BAZ2B: variants seen among roughly 807,000 people sequenced by gnomAD.
BAZ2B encodes bromodomain adjacent to zinc finger domain 2B, also known as bromodomain adjacent to zinc finger domain protein 2B.
Under a neutral mutation model 246.0 loss-of-function variants are expected in BAZ2B, and 91 were observed. That is an observed-to-expected ratio of 0.37 (90% CI 0.31 to 0.44). The LOEUF is 0.44. Ranked by LOEUF, BAZ2B falls within the 20% of genes least tolerant of loss-of-function variation. The pLI, the probability that BAZ2B is intolerant of heterozygous loss-of-function variation, is 1.00. For missense variants in BAZ2B, 2,332 were observed against 2,533.7 expected (o/e 0.92, Z 1.71); for synonymous variants, 855 against 860.0 (o/e 0.99, Z 0.10).
intron 27 of BAZ2B, among the ~76,000 whole-genome samples, chr2:159,372,373 C>A (rs2060943296): frequency 6.6e-6 from 1 of 152,180 alleles, no homozygotes; most frequent in Non-Finnish European, 1.5e-5. Context: ...TAACATAACA[C>A]TTTTGTCCCC....
intron 2 of BAZ2B, among the ~76,000 whole-genome samples, chr2:159,495,484 CAAAAAAAA>C (rs56365046): frequency 1.4e-5 from 1 of 73,214 alleles, no homozygotes; most frequent in African/African-American, 6.6e-5. Context: ...GACTCCGTCT[CAAAAAAAA>C]AAAAAAAAAA....
intron 3 of BAZ2B, chr2:159,460,947 G>T (rs909331453): frequency 7.9e-5 from 12 of 152,256 alleles, no homozygotes; most frequent in Non-Finnish European, 1.0e-4. Flanking sequence ...AACAAAACAG[G>T]TATATTTCTA....
At chr2:159,596,585 G>GT in intron 1 of BAZ2B, among the ~76,000 whole-genome samples, 1 of 151,982 alleles carries the variant, frequency 6.6e-6, no homozygotes, top group East Asian at 1.9e-4. Context: ...GTGAGGTTTG[G>GT]TTACAAGAGT....
At chr2:159,582,588 T>C (rs1687095975) in intron 1 of BAZ2B, among the ~76,000 whole-genome samples, 1 of 152,200 alleles carries the variant, frequency 6.6e-6, no homozygotes, top group Admixed American at 6.5e-5. Context: ...TCCCACTATG[T>C]TGCCCAGGCT....
intron 27 of BAZ2B, among the ~76,000 whole-genome samples, chr2:159,370,997 G>A (rs1323471271): frequency 1.3e-5 from 2 of 151,992 alleles, no homozygotes; most frequent in Non-Finnish European, 2.9e-5. Context: ...TAGTAGAGAT[G>A]CGGTTTCTCC....
intron 1 of BAZ2B, among the ~76,000 whole-genome samples, chr2:159,598,138 C>T (rs564812407): frequency 9.2e-5 from 14 of 152,106 alleles, no homozygotes; most frequent in African/African-American, 3.4e-4. Context: ...GTACTATAGG[C>T]GCCTGCCACC....
intron 33 of BAZ2B, among the ~76,000 whole-genome samples, chr2:159,333,388 G>A (rs1271515121): frequency 1.3e-5 from 2 of 151,940 alleles, no homozygotes; most frequent in Non-Finnish European, 2.9e-5. Flanking sequence ...AAAACTAGTT[G>A]TTTTCTACTG....
At chr2:159,437,936 A>T (rs1449511264) in intron 8 of BAZ2B, 2 of 167,240 alleles carry the variant, frequency 1.2e-5, no homozygotes, top group South Asian at 1.5e-4. Flanking sequence ...AAATAAAAAA[A>T]AATTGGTATT....
At chr2:159,325,046 TATATATATATATA>T (rs2063314732) in intron 35 of BAZ2B, 92 bp from the exon 36 acceptor site, 2 of 6,354 alleles carry the variant, frequency 3.1e-4, no homozygotes, top group Non-Finnish European at 9.5e-4. Context: ...ATATATATTA[TATATATATATATA>T]TTATATATAT....
intron 20 of BAZ2B, 150 bp from the exon 21 acceptor site, chr2:159,389,635 T>C (rs1449752614): frequency 1.4e-6 from 1 of 705,812 alleles, no homozygotes; most frequent in South Asian, 3.2e-5. Context: ...ATATATTTAA[T>C]ATCAATATTA....
intron 1 of BAZ2B, among the ~76,000 whole-genome samples, chr2:159,591,439 C>T (rs1455389509): frequency 2.0e-5 from 3 of 151,958 alleles, no homozygotes; most frequent in Non-Finnish European, 4.4e-5. Context: ...TCTATGGCAA[C>T]AAAGGTAGGA....
At chr2:159,646,851 T>C in the BAZ2B span, among the ~76,000 whole-genome samples, 14 of 152,138 alleles carry the variant, frequency 9.2e-5, no homozygotes, top group African/African-American at 3.1e-4. Context: ...TTGCCACCTG[T>C]TCCTCTTTTA....
chr2:159,375,415 G>GA (rs2061319351), intron 25 of BAZ2B, among the ~76,000 whole-genome samples: 1 of 152,212 alleles, frequency 6.6e-6, no homozygotes, highest in Non-Finnish European at 1.5e-5. Context: ...ATCCAGCAGA[G>GA]AAAAGAGTCT....
chr2:159,355,535 C>T (rs1467293941), intron 27 of BAZ2B, among the ~76,000 whole-genome samples: 11 of 152,182 alleles, frequency 7.2e-5, no homozygotes, highest in Non-Finnish European at 1.2e-4. Context: ...TACTTGCACA[C>T]TTAATGCTTT....
At chr2:159,543,853 ACACT>A (rs1357379479) in intron 2 of BAZ2B, among the ~76,000 whole-genome samples, 2 of 152,166 alleles carry the variant, frequency 1.3e-5, no homozygotes, top group African/African-American at 4.8e-5. Flanking sequence ...TTCATATCAA[ACACT>A]CAGTCGATGT....
chr2:159,447,483 G>C (rs1387648075), intron 5 of BAZ2B, among the ~76,000 whole-genome samples: 3 of 152,104 alleles, frequency 2.0e-5, no homozygotes, highest in African/African-American at 7.2e-5. Flanking sequence ...CTAAAATGTT[G>C]TTATAATTTT....
chr2:159,437,120 T>C lies in BAZ2B; in HGVS notation c.1293+1183A>G, dbSNP rs115165814. Among the ~76,000 whole-genome samples, 616 of 152,328 alleles carry C rather than the reference T, an allele frequency of 4.0e-3. 4 individuals carry two copies. Among genetic ancestry groups the C allele is most frequent in the African/African-American group, 0.014 (591 of 41,574 alleles). ...AATTAAAACAATGGCTGGCAAACAG[T>C]AGATGCCCTACAAGTGATATCTAAT... On this transcript the variant is annotated intron_variant, in intron 8 of 36. Transcript: ENST00000392783.
the BAZ2B span, among the ~76,000 whole-genome samples, chr2:159,682,829 C>A: frequency 6.6e-6 from 1 of 152,084 alleles, no homozygotes; most frequent in African/African-American, 2.4e-5. Context: ...ACACTGCATT[C>A]TCTTGCAATT....
rs111666633 is a variant in BAZ2B at position 159,534,630 on chromosome 2, C to CTT, written c.-3+21191_-3+21192dup. Among the ~76,000 whole-genome samples the CTT allele has an allele frequency of 3.3e-3, 481 of 144,584 alleles. 4 individuals are homozygous for CTT. Among genetic ancestry groups the CTT allele is most frequent in the African/African-American group, 0.011 (439 of 39,738 alleles). 94.9% of individuals were successfully genotyped at this position (144,584 alleles called of 152,430 possible). On this transcript the variant is annotated intron_variant, in intron 2 of 36. Coordinates refer to ENST00000392783, the MANE Select transcript of BAZ2B (RefSeq NM_013450.4). ...ATTTGTACTCCAAACATAATTTCTT[C>CTT]TTTTTTTTTTTTTTCTGAGACGGAG... is the stretch of plus-strand genomic sequence containing the variant.
Sources: allele counts gnomAD v4.1 joint callset (sites outside exome capture counted in the v4.1 genomes callset), GRCh38; gene constraint gnomAD v4.1.1; transcripts MANE v1.5; gene names NCBI Gene and HGNC (gene_info 2026-07-23, HGNC 2026-07-21).